NEO1: variants seen among roughly 807,000 people sequenced by gnomAD.
The protein encoded by NEO1 is neogenin.
A neutral mutation model predicts 159.7 loss-of-function variants in NEO1; 63 were observed. The ratio of observed to expected loss-of-function variants is 0.39; its 90% confidence interval spans 0.32 to 0.49. NEO1 has a LOEUF of 0.49. NEO1 is among the 20% of genes least tolerant of loss of function. The pLI is 0.85. For synonymous variants in NEO1, 633 were observed against 662.0 expected, an observed-to-expected ratio of 0.96 and a Z score of 0.67; for missense variants, 1,615 against 1,831.0, an observed-to-expected ratio of 0.88 and a Z score of 2.15.
At chr15:73,075,627 G>C (rs2068733981) in intron 1 of NEO1, among the ~76,000 whole-genome samples, 1 of 145,330 alleles carries the variant, frequency 6.9e-6, no homozygotes, top group Admixed American at 7.1e-5. Flanking sequence ...CACTGGAAGG[G>C]TGTCAGTGTA....
chr15:73,263,548 A>G (rs560583105), intron 15 of NEO1, among the ~76,000 whole-genome samples: 1 of 152,190 alleles, frequency 6.6e-6, no homozygotes, highest in Admixed American at 6.5e-5. Context: ...ATTTTATAAT[A>G]AATAATTTAT....
chr15:73,303,220 C>G lies in NEO1; in HGVS notation c.*524C>G. Reference sequence around the variant, plus strand: ...AAAGTCTTTGACAGTGTGGGTCGTTCCTGGGGTTGGCTTGTTTTTTGGTTT... The same window carrying G: ...AAAGTCTTTGACAGTGTGGGTCGTTGCTGGGGTTGGCTTGTTTTTTGGTTT... On this transcript the variant is annotated 3_prime_UTR_variant, in exon 29 of 29. Coordinates refer to ENST00000261908, the MANE Select transcript of NEO1 (RefSeq NM_002499.4). 1 of 152,730 alleles carries G rather than the reference C, an allele frequency of 6.5e-6. No homozygotes were observed. The highest frequency in any genetic ancestry group is 2.1e-4 in the South Asian group (1 of 4,824). The allele number at this position is 152,730 out of a possible 1,614,324, so 9.5% of individuals were successfully genotyped here. A position where few individuals can be genotyped will look rare whatever the true frequency, so the allele number is the denominator to read the frequency against.
chr15:73,191,964 G>A (rs2036259021), intron 7 of NEO1, among the ~76,000 whole-genome samples: 1 of 151,972 alleles, frequency 6.6e-6, no homozygotes, highest in Non-Finnish European at 1.5e-5. Context: ...ATATACAATT[G>A]TGTATTCATT....
At chr15:73,196,732 C>G (rs900346072) in intron 7 of NEO1, among the ~76,000 whole-genome samples, 1 of 152,216 alleles carries the variant, frequency 6.6e-6, no homozygotes, top group Non-Finnish European at 1.5e-5. Flanking sequence ...GCACCAACTT[C>G]AGTTAAGCTG....
At chr15:73,167,924 ACAT>A (rs1362655098) in intron 5 of NEO1, among the ~76,000 whole-genome samples, 3 of 152,302 alleles carry the variant, frequency 2.0e-5, no homozygotes, top group Non-Finnish European at 4.4e-5. Flanking sequence ...TGAAAATTTT[ACAT>A]CATCATAAAC....
intron 25 of NEO1, 81 bp from the exon 26 acceptor site, chr15:73,293,309 G>C: frequency 6.5e-7 from 1 of 1,545,062 alleles, no homozygotes; most frequent in Non-Finnish European, 8.9e-7. Flanking sequence ...GTGGGAAGGG[G>C]GTGACTTTGC....
chr15:73,224,581 T>A (rs1336609454), intron 7 of NEO1, among the ~76,000 whole-genome samples: 1 of 133,304 alleles, frequency 7.5e-6, no homozygotes, highest in Non-Finnish European at 1.7e-5. Flanking sequence ...AATTTCTTTC[T>A]TCTACTTGTT....
Position 73,126,414 on chromosome 15 carries a change from TAGA to T in NEO1, c.725-2_725del. The T allele has an allele frequency of 6.4e-7, 1 of 1,564,092 alleles. No individual in the cohort carries two copies. The highest frequency in any genetic ancestry group is 2.1e-5 in the Admixed American group (1 of 48,548). On this transcript the variant is annotated splice_acceptor_variant and coding_sequence_variant, in exon 4 of 29. Coordinates refer to ENST00000261908, the MANE Select transcript of NEO1 (RefSeq NM_002499.4). LOFTEE classifies it high-confidence loss of function. Reference sequence around the variant, plus strand: ...TGTCTTTGTTAATTTTTTTTTTTTTTAGATCCTGAGGTGATATCAGACTTGGTA... The same window carrying T: ...TGTCTTTGTTAATTTTTTTTTTTTTTTCCTGAGGTGATATCAGACTTGGTA...
Position 73,108,278 on chromosome 15 carries a change from A to G in NEO1, c.131-8262A>G, listed in dbSNP as rs143336673. 2.4e-3 allele frequency among the ~76,000 whole-genome samples: 371 copies of G among 152,324 alleles called. 1 individual carries two copies. The highest frequency in any genetic ancestry group is 8.5e-3 in the African/African-American group (353 of 41,586). On this transcript the variant is annotated intron_variant, in intron 1 of 28. Coordinates refer to ENST00000261908, the MANE Select transcript of NEO1 (RefSeq NM_002499.4). Reference sequence around the variant, plus strand: ...ACATTAATGGTACTGTTTGCAGGTTATCACATTGCCCCTTGTCTTCTTGCA... The same window carrying G: ...ACATTAATGGTACTGTTTGCAGGTTGTCACATTGCCCCTTGTCTTCTTGCA...
chr15:73,063,222 A>G (rs954419961), intron 1 of NEO1, among the ~76,000 whole-genome samples: 2 of 152,164 alleles, frequency 1.3e-5, no homozygotes, highest in Non-Finnish European at 2.9e-5. Context: ...CTGGGTTAGA[A>G]CAGTAGGCAG....
chr15:73,194,629 C>T (rs1456567222), intron 7 of NEO1, among the ~76,000 whole-genome samples: 1 of 152,178 alleles, frequency 6.6e-6, no homozygotes, highest in South Asian at 2.1e-4. Flanking sequence ...GTCCCCATGA[C>T]ACAAACACTC....
intron 1 of NEO1, among the ~76,000 whole-genome samples, chr15:73,105,067 A>G (rs1166800745): frequency 6.6e-6 from 1 of 152,066 alleles, no homozygotes; most frequent in Non-Finnish European, 1.5e-5. Context: ...TTAATTTTGA[A>G]CTCTATATGA....
At chr15:73,089,082 T>C (rs1250051377) in intron 1 of NEO1, among the ~76,000 whole-genome samples, 2 of 152,156 alleles carry the variant, frequency 1.3e-5, no homozygotes. Flanking sequence ...TTATTTTTAT[T>C]GGTTAGTAAT....
intron 1 of NEO1, among the ~76,000 whole-genome samples, chr15:73,110,295 T>TA (rs923963851): frequency 1.1e-4 from 16 of 152,188 alleles, no homozygotes; most frequent in African/African-American, 3.9e-4. Flanking sequence ...ATACTTTTCT[T>TA]ACAATGAACA....
At chr15:73,172,690 C>G (rs2035043970) in intron 5 of NEO1, among the ~76,000 whole-genome samples, 1 of 152,190 alleles carries the variant, frequency 6.6e-6, no homozygotes, top group Non-Finnish European at 1.5e-5. Flanking sequence ...GATATAATGG[C>G]TTTTAATAGT....
At chr15:73,113,146 T>C (rs1039035180) in intron 1 of NEO1, among the ~76,000 whole-genome samples, 1 of 151,800 alleles carries the variant, frequency 6.6e-6, no homozygotes, top group Non-Finnish European at 1.5e-5. Flanking sequence ...GTCCCTTTAC[T>C]TTGTTTTGCA....
chr15:73,241,517 T>C (rs1448081117), intron 8 of NEO1, among the ~76,000 whole-genome samples: 1 of 152,218 alleles, frequency 6.6e-6, no homozygotes, highest in Non-Finnish European at 1.5e-5. Context: ...CATTTTTTCG[T>C]TTAATACATA....
At chr15:73,206,731 T>C (rs925298425) in intron 7 of NEO1, among the ~76,000 whole-genome samples, 1 of 152,218 alleles carries the variant, frequency 6.6e-6, no homozygotes, top group Non-Finnish European at 1.5e-5. Context: ...GTAGATTTTC[T>C]CTATTTTTTT....
chr15:73,288,872 G>T (rs2042052287), intron 24 of NEO1, among the ~76,000 whole-genome samples: 1 of 152,218 alleles, frequency 6.6e-6, no homozygotes, highest in Non-Finnish European at 1.5e-5. Context: ...CTTCCAGCTT[G>T]CATTGTGGTA....
Sources: gnomAD v4.1 joint callset for allele counts (sites outside exome capture counted in the v4.1 genomes callset) on GRCh38, gnomAD v4.1.1 for gene constraint, MANE v1.5 for transcripts, NCBI Gene and HGNC (gene_info 2026-07-23, HGNC 2026-07-21) for gene names.